Variants in KALRN observed in about 807,000 individuals in gnomAD.
KALRN encodes the protein kalirin.
Under a neutral mutation model 353.7 loss-of-function variants are expected in KALRN, and 70 were observed. The observed-to-expected ratio is 0.20, with a 90% CI of 0.16 to 0.24. KALRN has a LOEUF of 0.24. Ranked by LOEUF, KALRN falls within the 10% of genes least tolerant of loss-of-function variation. The pLI is 1.00. For missense variants in KALRN, 2,791 were observed against 3,756.7 expected (o/e 0.74, Z 6.72); for synonymous variants, 1,391 against 1,434.8 (o/e 0.97, Z 0.69).
chr3:124,439,196 TCTCTCA>T (rs1210083875), intron 18 of KALRN, among the ~76,000 whole-genome samples, 159 bp downstream of exon 18: 1,204 of 79,296 alleles, frequency 0.015, 41 homozygotes, highest in Admixed American at 0.074. Flanking sequence ...CTTCTCTCTC[TCTCTCA>T]CACACACACA....
At chr3:124,287,527 G>A (rs969102554) in intron 5 of KALRN, among the ~76,000 whole-genome samples, 5 of 151,366 alleles carry the variant, frequency 3.3e-5, no homozygotes, top group Admixed American at 6.6e-5. Context: ...CAGGGAGAAA[G>A]CTGAGGTGAA....
At chr3:124,188,625 G>T (rs2074516215) in intron 1 of KALRN, among the ~76,000 whole-genome samples, 1 of 152,128 alleles carries the variant, frequency 6.6e-6, no homozygotes, top group Admixed American at 6.6e-5. Context: ...AATGAGAGGG[G>T]CTGGAGCAGG....
intron 1 of KALRN, among the ~76,000 whole-genome samples, chr3:124,197,227 T>G (rs1218788575): frequency 6.6e-6 from 1 of 152,126 alleles, no homozygotes; most frequent in Non-Finnish European, 1.5e-5. Context: ...ACTCCTAGCA[T>G]GTTAAACTTT....
chr3:124,196,663 T>C (rs899944768), intron 1 of KALRN, among the ~76,000 whole-genome samples: 3 of 152,214 alleles, frequency 2.0e-5, no homozygotes, highest in African/African-American at 7.2e-5. Context: ...ATGACAAAAA[T>C]AAAGCGTACA....
intron 21 of KALRN, among the ~76,000 whole-genome samples, chr3:124,454,256 G>T (rs975797258): frequency 3.9e-5 from 6 of 152,224 alleles, no homozygotes; most frequent in Non-Finnish European, 7.3e-5. Context: ...AGCTGGTACA[G>T]TGGAGAGGGA....
chr3:124,326,223 G>C, intron 7 of KALRN, 52 bp downstream of exon 7: 1 of 1,501,078 alleles, frequency 6.7e-7, no homozygotes, highest in Non-Finnish European at 9.1e-7. Context: ...GGTTGGGCAT[G>C]GGCAGGGGAG....
At chr3:124,505,713 G>C (rs1374449633) in intron 33 of KALRN, among the ~76,000 whole-genome samples, 1 of 152,232 alleles carries the variant, frequency 6.6e-6, no homozygotes, top group African/African-American at 2.4e-5. Flanking sequence ...TGTAGAGTAG[G>C]TGGGGCAGGC....
At chr3:124,559,459 G>T (rs753607106) in intron 33 of KALRN, among the ~76,000 whole-genome samples, 1 of 152,188 alleles carries the variant, frequency 6.6e-6, no homozygotes, top group Non-Finnish European at 1.5e-5. Context: ...ATATCTGAGA[G>T]CTCCTGGGAA....
At chr3:124,672,431 C>T (rs1305369844) in intron 48 of KALRN, among the ~76,000 whole-genome samples, 2 of 152,020 alleles carry the variant, frequency 1.3e-5, no homozygotes, top group Non-Finnish European at 2.9e-5. Flanking sequence ...TGTGGATCAT[C>T]GTCATCTAAA....
chr3:124,678,067 G>T (rs2087391208), intron 49 of KALRN, 123 bp from the exon 50 acceptor site: 6 of 1,016,870 alleles, frequency 5.9e-6, no homozygotes, highest in African/African-American at 1.6e-5. Context: ...CAGGTTTGGG[G>T]CCTCTGAAGC....
intron 57 of KALRN, among the ~76,000 whole-genome samples, chr3:124,705,112 A>T (rs1289239943): frequency 6.6e-6 from 1 of 152,202 alleles, no homozygotes; most frequent in Non-Finnish European, 1.5e-5. Flanking sequence ...GCAACAATGC[A>T]GTATAGAGAA....
At chr3:124,243,929 C>T (rs2080811543) in intron 3 of KALRN, among the ~76,000 whole-genome samples, 1 of 152,070 alleles carries the variant, frequency 6.6e-6, no homozygotes, top group South Asian at 2.1e-4. Context: ...GTCACTTGTC[C>T]TTTATTGTCC....
At chr3:124,515,922 G>T (rs754437474) in intron 33 of KALRN, among the ~76,000 whole-genome samples, 122 of 152,150 alleles carry the variant, frequency 8.0e-4, no homozygotes, top group Non-Finnish European at 5.0e-4. Flanking sequence ...GGATAACTGT[G>T]TATGTATTTT....
chr3:124,677,854 TCTC>T (rs1435229333), intron 49 of KALRN, among the ~76,000 whole-genome samples: 2 of 152,228 alleles, frequency 1.3e-5, no homozygotes, highest in African/African-American at 4.8e-5. Flanking sequence ...ACCGTGCCCT[TCTC>T]AAGAGGAATT....
At chr3:124,163,578 C>T (rs2070350948) in intron 1 of KALRN, 1 of 984,320 alleles carries the variant, frequency 1.0e-6, no homozygotes. Flanking sequence ...ACATGTTTTG[C>T]TGGACACATA....
At chr3:124,283,254 C>T (rs1482310861) in intron 5 of KALRN, among the ~76,000 whole-genome samples, 1 of 152,218 alleles carries the variant, frequency 6.6e-6, no homozygotes, top group African/African-American at 2.4e-5. Flanking sequence ...CCAGGAACAA[C>T]CATTAGCTCA....
intron 34 of KALRN, among the ~76,000 whole-genome samples, chr3:124,610,635 G>T (rs55948240): frequency 1.8e-5 from 2 of 112,934 alleles, no homozygotes; most frequent in Admixed American, 8.9e-5. Context: ...AACTAACCCT[G>T]GGGGGGGCGG....
intron 33 of KALRN, among the ~76,000 whole-genome samples, chr3:124,561,867 T>C (rs536952183): frequency 1.3e-5 from 2 of 152,328 alleles, no homozygotes; most frequent in East Asian, 3.9e-4. Context: ...CTGTACTTAG[T>C]TCTATGAGAC....
intron 5 of KALRN, among the ~76,000 whole-genome samples, chr3:124,280,937 A>G (rs551960621): frequency 5.3e-5 from 8 of 152,332 alleles, no homozygotes; most frequent in African/African-American, 1.9e-4. Flanking sequence ...CAAGGAGAGC[A>G]AAAGCCTCAT....
Sources: gnomAD v4.1 joint callset for allele counts (sites outside exome capture counted in the v4.1 genomes callset) on GRCh38, gnomAD v4.1.1 for gene constraint, MANE v1.5 for transcripts, NCBI Gene and HGNC (gene_info 2026-07-23, HGNC 2026-07-21) for gene names.